The following AEN variants were observed in gnomAD, a reference collection of about 807,000 sequenced individuals.
AEN encodes apoptosis enhancing nuclease, also known as apoptosis-enhancing nuclease.
A neutral mutation model predicts 17.7 loss-of-function variants in AEN; 21 were observed. That is an observed-to-expected ratio of 1.19 (90% CI 0.84 to 1.71). The LOEUF is 1.71. AEN is among the 40% of genes most tolerant of loss of function. The pLI, the probability that AEN is intolerant of heterozygous loss-of-function variation, is 0.00. For synonymous variants in AEN, 190 were observed against 173.0 expected, an observed-to-expected ratio of 1.10 and a Z score of -0.77; for missense variants, 462 against 435.9, an observed-to-expected ratio of 1.06 and a Z score of -0.53.
the AEN span, among the ~76,000 whole-genome samples, chr15:88,611,433 TAAAAAAAAAA>T: frequency 1.0e-3 from 94 of 94,036 alleles, no homozygotes; most frequent in South Asian, 0.024. Flanking sequence ...TTGTCTTTAC[TAAAAAAAAAA>T]AAAAAAAAAA....
At chr15:88,604,692 G>A in the AEN span, 3 of 152,462 alleles carry the variant, frequency 2.0e-5, no homozygotes, top group African/African-American at 4.8e-5. The surrounding 1 kb of genome is among the most constrained non-coding windows in gnomAD (Gnocchi z 8.1). Context: ...CAGCCGCGGC[G>A]ACTGTGTTTG....
the AEN span, chr15:88,611,810 C>T: frequency 6.1e-6 from 3 of 491,900 alleles, no homozygotes; most frequent in Non-Finnish European, 1.2e-5. Context: ...TCCTCGAACG[C>T]CTTGCAGAAC....
chr15:88,624,400 C>T (rs2057825394), intron 1 of AEN, among the ~76,000 whole-genome samples: 1 of 152,188 alleles, frequency 6.6e-6, no homozygotes, highest in Non-Finnish European at 1.5e-5. Context: ...CTGAGAAGAG[C>T]TGGCTGCCAA....
chr15:88,608,370 C>T, the AEN span, among the ~76,000 whole-genome samples: 1 of 152,208 alleles, frequency 6.6e-6, no homozygotes, highest in Non-Finnish European at 1.5e-5. Context: ...CTTCAACATA[C>T]CTGCCTTATA....
Position 88,621,587 on chromosome 15 carries a change from A to G in AEN, c.-65+205A>G, listed in dbSNP as rs1364100781. ...TCGCTCTGCTCGGGGGTCCAGGGCC[A>G]GAGGGGGCGGCGCTGGTCGTTGGGA... On this transcript the variant is annotated intron_variant, in intron 1 of 3. Coordinates refer to ENST00000332810, the MANE Select transcript of AEN (RefSeq NM_022767.4). 5.9e-5 allele frequency: 9 copies of G among 152,358 alleles called. No homozygotes were observed. In the East Asian group the frequency reaches 1.7e-3, roughly 29 times the overall value. The allele number at this position is 152,358 out of a possible 1,614,324, so 9.4% of individuals were successfully genotyped here.
the AEN span, among the ~76,000 whole-genome samples, chr15:88,615,373 G>T: frequency 2.6e-5 from 4 of 152,180 alleles, no homozygotes; most frequent in Admixed American, 2.6e-4. Context: ...GACATTCTCA[G>T]GAGTTGGGGG....
At chr15:88,606,575 A>G in the AEN span, among the ~76,000 whole-genome samples, 1 of 152,098 alleles carries the variant, frequency 6.6e-6, no homozygotes. Flanking sequence ...CCAGGCAACC[A>G]GTCGCAGCAC....
the AEN span, among the ~76,000 whole-genome samples, chr15:88,606,461 T>C: frequency 2.0e-5 from 3 of 152,142 alleles, no homozygotes; most frequent in Admixed American, 2.0e-4. Flanking sequence ...GCAAAGATTA[T>C]TGTTTGGCCA....
the AEN span, among the ~76,000 whole-genome samples, chr15:88,612,276 C>T: frequency 2.6e-5 from 4 of 152,118 alleles, no homozygotes; most frequent in Non-Finnish European, 5.9e-5. Context: ...GTCTGTGGCC[C>T]GACAGCCACA....
the AEN span, among the ~76,000 whole-genome samples, chr15:88,615,022 C>T: frequency 1.3e-5 from 2 of 152,130 alleles, no homozygotes; most frequent in African/African-American, 2.4e-5. Context: ...CGCCACCACG[C>T]CCGGCCAAAT....
chr15:88,627,447 C>T (rs528567588), intron 2 of AEN: 6 of 146,326 alleles, frequency 4.1e-5, no homozygotes, highest in Middle Eastern at 7.0e-3. Context: ...TCCAGTTTTA[C>T]GCATCTTGTT....
At chr15:88,624,883 C>CAAAAAAAAA (rs10701067) in intron 1 of AEN, among the ~76,000 whole-genome samples, 1 of 148,672 alleles carries the variant, frequency 6.7e-6, no homozygotes. Flanking sequence ...AACTCCGCCT[C>CAAAAAAAAA]AAAAAATGCC....
the AEN span, among the ~76,000 whole-genome samples, chr15:88,606,155 G>T: frequency 1.3e-5 from 2 of 152,208 alleles, no homozygotes; most frequent in African/African-American, 4.8e-5. Flanking sequence ...TGAGCCCCAG[G>T]CTCTGGTGTT....
the AEN span, among the ~76,000 whole-genome samples, chr15:88,610,966 G>A: frequency 2.0e-5 from 3 of 152,298 alleles, no homozygotes; most frequent in African/African-American, 4.8e-5. Flanking sequence ...GGAGCCCAGC[G>A]CTGTGCCTGC....
chr15:88,629,343 T>A lies in AEN; in HGVS notation c.658T>A (p.Phe220Ile), dbSNP rs2057896944. The change falls in exon 3 of 4, where the codon TTC becomes ATC. Residue 220 changes from phenylalanine (F) to isoleucine (I), a missense_variant. Phe to Ile is a conservative substitution (Grantham distance 21). Coordinates refer to ENST00000332810, the MANE Select transcript of AEN (RefSeq NM_022767.4). ...QTRDTTYVPN[F>I]LSEPGLHTRA... ...CCGGGATACGACCTATGTCCCAAACTTCCTCAGCGAGCCCGGCCTCCACAC... is the reference window on the plus strand; with the variant it reads ...CCGGGATACGACCTATGTCCCAAACATCCTCAGCGAGCCCGGCCTCCACAC... 1 of 1,614,000 alleles carries A rather than the reference T, an allele frequency of 6.2e-7. No homozygotes were observed. Among genetic ancestry groups the A allele is most frequent in the South Asian group, 1.1e-5 (1 of 91,086 alleles).
intron 1 of AEN, among the ~76,000 whole-genome samples, chr15:88,625,249 G>A (rs1649519016): frequency 6.6e-6 from 1 of 152,190 alleles, no homozygotes; most frequent in Non-Finnish European, 1.5e-5. Context: ...GCTGGACACG[G>A]TGGCTCATAC....
chr15:88,622,816 T>C (rs998808207), intron 1 of AEN, among the ~76,000 whole-genome samples: 5 of 152,222 alleles, frequency 3.3e-5, no homozygotes, highest in African/African-American at 9.7e-5. Context: ...TTTGCTTCCT[T>C]GTTTCTTCTT....
At chr15:88,611,927 C>T in the AEN span, 8 of 500,178 alleles carry the variant, frequency 1.6e-5, no homozygotes, top group Non-Finnish European at 2.8e-5. Flanking sequence ...ATGGTGCCAG[C>T]CATCGCAGCG....
At chr15:88,606,347 T>A in the AEN span, among the ~76,000 whole-genome samples, 1 of 152,142 alleles carries the variant, frequency 6.6e-6, no homozygotes, top group Non-Finnish European at 1.5e-5. Context: ...AAGCACATTT[T>A]ATCTAGGTCT....
Sources: gnomAD v4.1 joint callset for allele counts (sites outside exome capture counted in the v4.1 genomes callset) on GRCh38, gnomAD v4.1.1 for gene constraint, Gnocchi (gnomAD v3.1) non-coding constraint, MANE v1.5 for transcripts, NCBI Gene and HGNC (gene_info 2026-07-23, HGNC 2026-07-21) for gene names.